The following BCL11B variants were observed in gnomAD, a reference collection of about 807,000 sequenced individuals.
BCL11B encodes BCL11 transcription factor B.
In BCL11B, 8 loss-of-function variants were observed where a neutral mutation model predicts 49.9. The ratio of observed to expected loss-of-function variants is 0.16; its 90% CI spans 0.09 to 0.29. BCL11B has a LOEUF of 0.29. BCL11B is among the 10% of genes least tolerant of loss of function. The pLI, the probability that BCL11B is intolerant of heterozygous loss-of-function variation, is 1.00. For missense variants in BCL11B, 1,006 were observed against 1,351.0 expected (o/e 0.74, Z 4.00); for synonymous variants, 739 against 637.4 (o/e 1.16, Z -2.40).
chr14:99,260,741 G>A (rs896114482), intron 1 of BCL11B, among the ~76,000 whole-genome samples: 3 of 151,282 alleles, frequency 2.0e-5, no homozygotes, highest in African/African-American at 7.3e-5. Flanking sequence ...GCAGCCCTGC[G>A]AGCCCCCGTA....
At chr14:99,199,669 TGTGTGTGTGTGTGTGC>T (rs1245433421) in intron 3 of BCL11B, among the ~76,000 whole-genome samples, 4 of 86,248 alleles carry the variant, frequency 4.6e-5, no homozygotes, top group Admixed American at 1.1e-4. Flanking sequence ...TGTGTGTGTG[TGTGTGTGTGTGTGTGC>T]GCGCGCGCGC....
At chr14:99,193,462 A>C (rs1887094158) in intron 3 of BCL11B, among the ~76,000 whole-genome samples, 1 of 152,146 alleles carries the variant, frequency 6.6e-6, no homozygotes, top group Non-Finnish European at 1.5e-5. Context: ...TGTTAAAAGG[A>C]AGTTTAAAAA....
rs540309881 is a variant in BCL11B, at chr14:99,232,821, C to T, written c.428-1264G>A. Among the ~76,000 whole-genome samples, 1 of 152,324 alleles carries T rather than the reference C, an allele frequency of 6.6e-6. No homozygotes were observed. Among genetic ancestry groups the T allele is most frequent in the South Asian group, 2.1e-4 (1 of 4,828 alleles). ...TGGCCCCAGAACCAGGGCTCTTTCT[C>T]TGTAGCCCTGGTTTCTCTAAAACAT... On this transcript the variant is annotated intron_variant, in intron 2 of 3. Coordinates refer to ENST00000357195, the MANE Select transcript of BCL11B (RefSeq NM_138576.4). This position sits in a 1 kb window ranked among gnomAD's most constrained non-coding sequence, Gnocchi z 5.1.
chr14:99,209,643 C>T (rs1275327747), intron 3 of BCL11B, among the ~76,000 whole-genome samples: 2 of 152,130 alleles, frequency 1.3e-5, no homozygotes, highest in Non-Finnish European at 2.9e-5. Flanking sequence ...CAGGCTGAGC[C>T]AGGGCCATGG....
At chr14:99,226,115 C>A (rs1888154042) in intron 3 of BCL11B, among the ~76,000 whole-genome samples, 1 of 152,240 alleles carries the variant, frequency 6.6e-6, no homozygotes, top group Non-Finnish European at 1.5e-5. Flanking sequence ...ATGCTGGGAC[C>A]ACCGGCCCTT....
At chr14:99,253,362 AC>A (rs1889063671) in intron 2 of BCL11B, among the ~76,000 whole-genome samples, 1 of 152,202 alleles carries the variant, frequency 6.6e-6, no homozygotes, top group Non-Finnish European at 1.5e-5. Flanking sequence ...TAGTCCCACA[AC>A]CCAGTGGCGG....
At chr14:99,210,235 G>C (rs1229638467) in intron 3 of BCL11B, among the ~76,000 whole-genome samples, 1 of 152,150 alleles carries the variant, frequency 6.6e-6, no homozygotes, top group African/African-American at 2.4e-5. Flanking sequence ...ACTCTAATGC[G>C]TCTCTGGACA....
rs12323505 is a variant in BCL11B at position 99,195,952 on chromosome 14, T to C, written c.641-19757A>G. ...ACTGACATTTCTTCCTAGATAAATATCTGGAAAGAAGTCGGGAAACAATTA... is the reference window on the plus strand; with the variant it reads ...ACTGACATTTCTTCCTAGATAAATACCTGGAAAGAAGTCGGGAAACAATTA... On this transcript the variant is annotated intron_variant, in intron 3 of 3. Coordinates refer to ENST00000357195, the MANE Select transcript of BCL11B (RefSeq NM_138576.4). This position sits in a 1 kb window ranked among gnomAD's most constrained non-coding sequence, Gnocchi z 4.7. Among the ~76,000 whole-genome samples, 1,893 of 152,188 alleles carry C rather than the reference T, an allele frequency of 0.012. 45 individuals carry two copies. Among genetic ancestry groups the C allele is most frequent in the African/African-American group, 0.043 (1,794 of 41,514 alleles).
chr14:99,231,669 G>T lies in BCL11B; in HGVS notation c.428-112C>A, dbSNP rs1287290168. The T allele has an allele frequency of 8.6e-7, 1 of 1,162,548 alleles. No individual in the cohort carries two copies. The highest frequency in any genetic ancestry group is 1.2e-6 in the Non-Finnish European group (1 of 822,966). 72.0% of individuals were successfully genotyped at this position (1,162,548 alleles called of 1,614,324 possible). On this transcript the variant is annotated intron_variant, in intron 2 of 3. Transcript: ENST00000357195. The surrounding 1 kb of genome is among the most constrained non-coding windows in gnomAD (Gnocchi z 8.1). ...GCTCTGCTCAGGCCACCCTTCGGGGGTGGGAGGCCCCCGGGGTGCCAGGCC... is the reference window on the plus strand; with the variant it reads ...GCTCTGCTCAGGCCACCCTTCGGGGTTGGGAGGCCCCCGGGGTGCCAGGCC...
chr14:99,216,270 C>T (rs551820898), intron 3 of BCL11B, among the ~76,000 whole-genome samples: 3 of 152,290 alleles, frequency 2.0e-5, no homozygotes, highest in East Asian at 3.9e-4. Flanking sequence ...GAAGATGAAG[C>T]CCACAATGAA....
chr14:99,199,659 T>A (rs1887288743), intron 3 of BCL11B, among the ~76,000 whole-genome samples: 1 of 82,016 alleles, frequency 1.2e-5, no homozygotes, highest in South Asian at 3.2e-4. Context: ...TGTGTGTGTG[T>A]GTGTGTGTGT....
chr14:99,254,634 C>T (rs1398032497), intron 2 of BCL11B, among the ~76,000 whole-genome samples: 1 of 152,208 alleles, frequency 6.6e-6, no homozygotes, highest in Non-Finnish European at 1.5e-5. Context: ...AGCTACTGGC[C>T]GGGGCCAGCG....
intron 2 of BCL11B, among the ~76,000 whole-genome samples, chr14:99,234,855 C>CAAAAAAAAAAAA (rs34831762): frequency 1.5e-5 from 1 of 66,638 alleles, no homozygotes; most frequent in Non-Finnish European, 2.8e-5. Flanking sequence ...GGTCTATGCA[C>CAAAAAAAAAAAA]AAAAAAAAAA....
At position 99,192,442 on chromosome 14, in the gene BCL11B, C is replaced by T. The variant is rs1000973360; in HGVS notation, c.641-16247G>A. Among the ~76,000 whole-genome samples, 2 of 152,162 alleles carry T rather than the reference C, an allele frequency of 1.3e-5. No individual in the cohort carries two copies. The highest frequency in any genetic ancestry group is 2.4e-5 in the African/African-American group (1 of 41,428). ...GGGGCTGGTGCTTTCAATCAAGAAA[C>T]GTGGCTCTCGTTAGAAGGCAGAAAA... On this transcript the variant is annotated intron_variant, in intron 3 of 3. Transcript: ENST00000357195. This position sits in a 1 kb window ranked among gnomAD's most constrained non-coding sequence, Gnocchi z 4.0.
At chr14:99,243,099 G>A (rs3888193) in intron 2 of BCL11B, among the ~76,000 whole-genome samples, 19,832 of 152,036 alleles carry the variant, frequency 0.13, 1,331 homozygotes, top group Admixed American at 0.17. Context: ...CCAAATATCA[G>A]GAAAAAATAC....
At chr14:99,176,320 G>T in intron 3 of BCL11B, 125 bp from the exon 4 acceptor site, 1 of 884,474 alleles carries the variant, frequency 1.1e-6, no homozygotes. Context: ...TGCCCTGCCT[G>T]ACAGGGGCTG....
chr14:99,251,639 C>T (rs1413483532), intron 2 of BCL11B, among the ~76,000 whole-genome samples: 3 of 152,114 alleles, frequency 2.0e-5, no homozygotes, highest in Admixed American at 2.0e-4. Flanking sequence ...TCTTTGTCAC[C>T]ACCCATCTCT....
At chr14:99,199,684 G>A (rs1484361611) in intron 3 of BCL11B, among the ~76,000 whole-genome samples, 2 of 46,728 alleles carry the variant, frequency 4.3e-5, no homozygotes, top group African/African-American at 1.3e-4. Context: ...GTGTGTGTGT[G>A]CGCGCGCGCG....
chr14:99,203,732 C>T (rs982688385), intron 3 of BCL11B, among the ~76,000 whole-genome samples: 1 of 152,128 alleles, frequency 6.6e-6, no homozygotes, highest in South Asian at 2.1e-4. Flanking sequence ...CAAGAGAGGA[C>T]GTGGTTATGA....
Sources: allele counts gnomAD v4.1 joint callset (sites outside exome capture counted in the v4.1 genomes callset), GRCh38; gene constraint gnomAD v4.1.1; non-coding constraint Gnocchi (gnomAD v3.1); transcripts MANE v1.5; gene names NCBI Gene and HGNC (gene_info 2026-07-23, HGNC 2026-07-21).